The following PITPNB variants were observed in gnomAD, a reference collection of about 807,000 sequenced individuals.
PITPNB encodes the protein phosphatidylinositol transfer protein beta isoform.
PITPNB carries 16 observed loss-of-function variants against 45.9 expected under a neutral mutation model. That is an observed-to-expected ratio of 0.35 (90% CI 0.24 to 0.53). The LOEUF is 0.53. PITPNB is among the 20% of genes least tolerant of loss of function. The probability of loss-of-function intolerance (pLI) is 0.93; values close to 1 mark genes in which losing one functional copy is unlikely to be tolerated. For missense variants in PITPNB, 188 were observed against 330.5 expected (o/e 0.57, Z 3.34); for synonymous variants, 112 against 108.9 (o/e 1.03, Z -0.18).
intron 6 of PITPNB, 62 bp from the exon 7 acceptor site, chr22:27,894,700 ATAT>A: frequency 1.1e-6 from 1 of 925,616 alleles, no homozygotes. Context: ...ATGCTTACAC[ATAT>A]AATCTTTATC....
At chr22:27,872,342 C>T (rs971170857) in intron 8 of PITPNB, among the ~76,000 whole-genome samples, 2 of 151,994 alleles carry the variant, frequency 1.3e-5, no homozygotes, top group Non-Finnish European at 2.9e-5. Flanking sequence ...GATCCACCCA[C>T]CTCAGCCTCC....
intron 3 of PITPNB, among the ~76,000 whole-genome samples, chr22:27,899,898 G>C (rs1368082295): frequency 6.6e-6 from 1 of 151,976 alleles, no homozygotes; most frequent in Non-Finnish European, 1.5e-5. Context: ...GGTTCAGCTG[G>C]TCAACTTAGA....
chr22:27,891,169 C>T (rs1320479679), intron 7 of PITPNB, among the ~76,000 whole-genome samples: 4 of 151,954 alleles, frequency 2.6e-5, no homozygotes, highest in African/African-American at 7.3e-5. Flanking sequence ...GTTGCAGGAC[C>T]CTGTTAATGT....
At chr22:27,899,029 A>T (rs1187127118) in intron 3 of PITPNB, among the ~76,000 whole-genome samples, 1 of 152,212 alleles carries the variant, frequency 6.6e-6, no homozygotes, top group Admixed American at 6.5e-5. Flanking sequence ...TCAAATCCCA[A>T]CATCACCATT....
chr22:27,918,287 C>G (rs906476702), intron 1 of PITPNB, among the ~76,000 whole-genome samples: 1 of 152,088 alleles, frequency 6.6e-6, no homozygotes, highest in Non-Finnish European at 1.5e-5. Flanking sequence ...AAAAATATTT[C>G]TAAGAATTTA....
chr22:27,868,863 T>C (rs1169170252), intron 8 of PITPNB, among the ~76,000 whole-genome samples: 1 of 152,162 alleles, frequency 6.6e-6, no homozygotes, highest in African/African-American at 2.4e-5. Flanking sequence ...CAAAGACCTT[T>C]AGAGGCCTAA....
intron 7 of PITPNB, among the ~76,000 whole-genome samples, chr22:27,881,679 TC>T (rs1415008542): frequency 6.6e-6 from 1 of 152,202 alleles, no homozygotes; most frequent in Non-Finnish European, 1.5e-5. Flanking sequence ...AGAAAGCCCT[TC>T]TTAGGAAATA....
At position 27,881,082 on chromosome 22, in the gene PITPNB, G is replaced by A. The variant is rs558741479; in HGVS notation, c.457-7267C>T. 5.3e-5 allele frequency among the ~76,000 whole-genome samples: 8 copies of A among 152,368 alleles called. No homozygotes were observed. In the South Asian group the frequency reaches 1.7e-3, roughly 32 times the overall value. On this transcript the variant is annotated intron_variant, in intron 7 of 11. Coordinates refer to ENST00000335272, the MANE Select transcript of PITPNB (RefSeq NM_012399.5). ...TGAAAGTGTGTGACCATGTAAGGCA[G>A]TGGAATAATGTAGGAAACATTTTCA...
At chr22:27,918,794 C>A (rs1175638480) in intron 1 of PITPNB, among the ~76,000 whole-genome samples, 1 of 152,194 alleles carries the variant, frequency 6.6e-6, no homozygotes, top group African/African-American at 2.4e-5. Flanking sequence ...ACGTGTCTCT[C>A]CCACCCTCGG....
chr22:27,868,672 G>C (rs1255816132), intron 8 of PITPNB, among the ~76,000 whole-genome samples: 1 of 152,152 alleles, frequency 6.6e-6, no homozygotes, highest in Admixed American at 6.5e-5. Context: ...GACAAATGGG[G>C]CATGCCTTTA....
chr22:27,918,333 C>G (rs1305182906), intron 1 of PITPNB, among the ~76,000 whole-genome samples: 2 of 152,184 alleles, frequency 1.3e-5, no homozygotes. Flanking sequence ...ATGGGCCATA[C>G]TCGACCTCCC....
chr22:27,868,442 G>A (rs994368182), intron 8 of PITPNB, among the ~76,000 whole-genome samples: 17 of 152,256 alleles, frequency 1.1e-4, no homozygotes, highest in Admixed American at 7.9e-4. Flanking sequence ...CAGACATGGG[G>A]TAGACAAAGA....
intron 3 of PITPNB, 72 bp from the exon 4 acceptor site, chr22:27,897,964 G>T: frequency 1.9e-6 from 2 of 1,032,014 alleles, no homozygotes; most frequent in Non-Finnish European, 3.0e-6. Flanking sequence ...CCAACTGCTT[G>T]AAAGAGTATG....
rs191505691 is a variant in PITPNB, at chr22:27,860,372, T to C, written c.535-131A>G. 7.3e-4 allele frequency: 424 copies of C among 577,772 alleles called. 1 individual carries two copies. The highest frequency in any genetic ancestry group is 7.0e-3 in the African/African-American group (379 of 53,940). 35.8% of individuals were successfully genotyped at this position (577,772 alleles called of 1,614,324 possible). A position where few individuals can be genotyped will look rare whatever the true frequency, so the allele number is the denominator to read the frequency against. ...CAATCTCATGTGTTTAATTCAGATA[T>C]TTGAAAATTTGAAATCATTTTAGCA... is the stretch of plus-strand genomic sequence containing the variant. On this transcript the variant is annotated intron_variant, in intron 8 of 11. Coordinates refer to ENST00000335272, the MANE Select transcript of PITPNB (RefSeq NM_012399.5).
intron 8 of PITPNB, among the ~76,000 whole-genome samples, chr22:27,869,020 A>G (rs1934566445): frequency 6.6e-6 from 1 of 152,188 alleles, no homozygotes; most frequent in African/African-American, 2.4e-5. Context: ...TAAAATAACA[A>G]TTCCTCACCC....
intron 7 of PITPNB, among the ~76,000 whole-genome samples, chr22:27,883,294 C>A (rs1172194246): frequency 6.6e-6 from 1 of 152,224 alleles, no homozygotes; most frequent in Non-Finnish European, 1.5e-5. Context: ...AGTCCTGGCT[C>A]CCCTTCCACT....
In PITPNB at chr22:27,906,579, A is replaced by C. The variant is rs377327164; in HGVS notation, c.197+4385T>G. Among the ~76,000 whole-genome samples, 38 of 152,330 alleles carry C rather than the reference A, an allele frequency of 2.5e-4. 1 individual carries two copies. In the East Asian group the frequency reaches 3.5e-3, roughly 14 times the overall value. On this transcript the variant is annotated intron_variant, in intron 3 of 11. Coordinates refer to ENST00000335272, the MANE Select transcript of PITPNB (RefSeq NM_012399.5). ...CTCTGCTACCAAATAGCAGTGAGACATGTGGTAAGTTAAACCTTTCTGGAC... is the reference window on the plus strand; with the variant it reads ...CTCTGCTACCAAATAGCAGTGAGACCTGTGGTAAGTTAAACCTTTCTGGAC...
chr22:27,853,587 C>A lies in PITPNB; in HGVS notation c.*115G>T. The A allele has an allele frequency of 6.5e-7, 1 of 1,543,430 alleles. No homozygotes were observed. Among genetic ancestry groups the A allele is most frequent in the Non-Finnish European group, 8.8e-7 (1 of 1,140,122 alleles). On this transcript the variant is annotated 3_prime_UTR_variant, in exon 12 of 12. Transcript: ENST00000335272. The stretch of plus-strand genomic sequence containing the variant: ...AGCACACATCTGGGAAACGTCAACA[C>A]TGCAAGATACTGGTCAGATTCTTCT...
rs1300868745 is a variant in PITPNB at position 27,852,036 on chromosome 22, G to C, written c.*1666C>G. The C allele has an allele frequency of 2.0e-5, 3 of 152,194 alleles. No homozygotes were observed. Among genetic ancestry groups the C allele is most frequent in the Non-Finnish European group, 4.4e-5 (3 of 68,046 alleles). 9.4% of individuals were successfully genotyped at this position (152,194 alleles called of 1,614,324 possible). A position where few individuals can be genotyped will look rare whatever the true frequency, so the allele number is the denominator to read the frequency against. ...GAGAGTAAACATCAGTCTTTATCCT[G>C]AGTACACAAAGGATGTATGAAATGT... On this transcript the variant is annotated 3_prime_UTR_variant, in exon 12 of 12. Coordinates refer to ENST00000335272, the MANE Select transcript of PITPNB (RefSeq NM_012399.5).
Sources: allele counts gnomAD v4.1 joint callset (sites outside exome capture counted in the v4.1 genomes callset), GRCh38; gene constraint gnomAD v4.1.1; transcripts MANE v1.5; gene names NCBI Gene and HGNC (gene_info 2026-07-23, HGNC 2026-07-21).